Variants in FBXL2 observed in about 807,000 individuals in gnomAD.
FBXL2 encodes F-box/LRR-repeat protein 2.
A neutral mutation model predicts 69.2 loss-of-function variants in FBXL2; 38 were observed. That is an observed-to-expected ratio of 0.55 (90% CI 0.42 to 0.72). The LOEUF is 0.72. Ranked by LOEUF, FBXL2 falls within the 30% of genes least tolerant of loss-of-function variation. The pLI is 0.00. For synonymous variants in FBXL2, 192 were observed against 201.3 expected (o/e 0.95, Z 0.39); for missense variants, 354 against 520.3 (o/e 0.68, Z 3.11).
At chr3:33,403,973 C>T (rs946367985), downstream of FBXL2, among the ~76,000 whole-genome samples, 11 of 152,302 alleles carry the variant, frequency 7.2e-5, no homozygotes, top group African/African-American at 2.6e-4. Context: ...AGGCTGGACA[C>T]GGTGACTCAT....
downstream of FBXL2, chr3:33,389,849 A>G (rs150617913): frequency 9.4e-4 from 147 of 156,230 alleles, no homozygotes; most frequent in Admixed American, 1.5e-3. Context: ...ACATCAGCAC[A>G]ACACAACTCT....
chr3:33,335,481 C>T (rs6782584), intron 2 of FBXL2, among the ~76,000 whole-genome samples: 2 of 151,496 alleles, frequency 1.3e-5, no homozygotes, highest in African/African-American at 4.9e-5. Flanking sequence ...TAGGAAAAAC[C>T]GTGAGCCAAG....
intron 2 of FBXL2, among the ~76,000 whole-genome samples, chr3:33,337,098 G>A (rs543017217): frequency 2.7e-4 from 40 of 149,296 alleles, no homozygotes; most frequent in Non-Finnish European, 5.2e-4. Flanking sequence ...CCAGCTACTC[G>A]GGAGGCTGAG....
downstream of FBXL2, chr3:33,392,766 C>T (rs199905694): frequency 1.2e-4 from 82 of 671,594 alleles, 1 homozygote; most frequent in East Asian, 1.7e-3. Flanking sequence ...AGCAAAGATG[C>T]ACACGTGCTG....
chr3:33,391,077 CA>C (rs921239376), downstream of FBXL2: 7 of 152,188 alleles, frequency 4.6e-5, no homozygotes, highest in African/African-American at 1.7e-4. Flanking sequence ...GCTGTGAAAA[CA>C]AAAGACTGAG....
intron 1 of FBXL2, among the ~76,000 whole-genome samples, chr3:33,278,730 T>A (rs769833840): frequency 1.3e-5 from 2 of 152,218 alleles, no homozygotes; most frequent in Admixed American, 6.5e-5. Flanking sequence ...ATGTAATGCC[T>A]TTATTTTGTG....
At chr3:33,277,558 C>G (rs2033411756) in intron 1 of FBXL2, 43 bp downstream of exon 1, 5 of 1,264,928 alleles carry the variant, frequency 4.0e-6, no homozygotes, top group East Asian at 3.1e-5. Flanking sequence ...CCGCCCTACC[C>G]CTACCGGGCT....
chr3:33,410,379 C>G, the FBXL2 span, among the ~76,000 whole-genome samples: 1 of 152,002 alleles, frequency 6.6e-6, no homozygotes. Flanking sequence ...AAAGCCAGGT[C>G]TTGTATCACT....
the FBXL2 span, among the ~76,000 whole-genome samples, chr3:33,416,267 CA>C: frequency 2.6e-5 from 4 of 152,136 alleles, no homozygotes; most frequent in African/African-American, 7.2e-5. Context: ...TAGGAGGGGC[CA>C]GGGGGCAGGG....
chr3:33,281,552 A>G (rs1032987339), intron 1 of FBXL2, among the ~76,000 whole-genome samples: 3 of 152,164 alleles, frequency 2.0e-5, no homozygotes, highest in African/African-American at 7.2e-5. Flanking sequence ...TCCTTTGGGT[A>G]TATACCCAGT....
In FBXL2 at chr3:33,385,756, T is replaced by C. The variant is rs2043390467; in HGVS notation, c.*148T>C. Reference sequence around the variant, plus strand: ...AAAAGACTTCTGTATGGATTGCAGTTACTCTGGTGATAGTTTTCACCTTTA... The same window carrying C: ...AAAAGACTTCTGTATGGATTGCAGTCACTCTGGTGATAGTTTTCACCTTTA... On this transcript the variant is annotated 3_prime_UTR_variant, in exon 15 of 15. Transcript: ENST00000484457. 6.2e-6 allele frequency: 4 copies of C among 645,570 alleles called. No individual in the cohort carries two copies. Among genetic ancestry groups the C allele is most frequent in the East Asian group, 5.4e-5 (2 of 36,978 alleles). 40.0% of individuals were successfully genotyped at this position (645,570 alleles called of 1,614,324 possible).
chr3:33,282,353 T>A (rs2034111162), intron 1 of FBXL2, among the ~76,000 whole-genome samples: 2 of 152,182 alleles, frequency 1.3e-5, no homozygotes. Context: ...GATCAGATGT[T>A]TGTAGATGTG....
chr3:33,353,916 G>T (rs979300563), intron 2 of FBXL2, among the ~76,000 whole-genome samples: 1 of 151,984 alleles, frequency 6.6e-6, no homozygotes, highest in Non-Finnish European at 1.5e-5. Flanking sequence ...GTGGCCAAGG[G>T]TTCATGAGAA....
intron 2 of FBXL2, among the ~76,000 whole-genome samples, chr3:33,357,926 C>T (rs566774916): frequency 1.3e-5 from 2 of 152,150 alleles, no homozygotes; most frequent in African/African-American, 2.4e-5. Context: ...TGTAGGATGG[C>T]ATCTATGCAG....
At chr3:33,309,647 T>G (rs751857147) in intron 2 of FBXL2, among the ~76,000 whole-genome samples, 1 of 152,204 alleles carries the variant, frequency 6.6e-6, no homozygotes, top group Non-Finnish European at 1.5e-5. Context: ...ACTGCCCCTT[T>G]GTTAATTATT....
At chr3:33,316,260 G>C (rs560324452) in intron 2 of FBXL2, among the ~76,000 whole-genome samples, 1 of 152,084 alleles carries the variant, frequency 6.6e-6, no homozygotes, top group East Asian at 1.9e-4. Context: ...GTTTCACCTT[G>C]TTGGCCAGGC....
At chr3:33,403,067 CAAAGA>C (rs1423852362) in intron 12 of FBXL2, among the ~76,000 whole-genome samples, 1 of 152,136 alleles carries the variant, frequency 6.6e-6, no homozygotes, top group Admixed American at 6.5e-5. Context: ...TTCTGTGTGG[CAAAGA>C]AAAGTTTTAC....
chr3:33,338,459 G>A (rs1276791614), intron 2 of FBXL2, among the ~76,000 whole-genome samples: 1 of 151,900 alleles, frequency 6.6e-6, no homozygotes, highest in Non-Finnish European at 1.5e-5. Flanking sequence ...AAAAAAGTCT[G>A]AGTAGCCAAA....
At chr3:33,416,517 G>GT in the FBXL2 span, among the ~76,000 whole-genome samples, 2 of 152,132 alleles carry the variant, frequency 1.3e-5, no homozygotes, top group Non-Finnish European at 2.9e-5. Flanking sequence ...GTGGTGATGA[G>GT]TTTTTTACCC....
Sources: allele counts gnomAD v4.1 joint callset (sites outside exome capture counted in the v4.1 genomes callset), GRCh38; gene constraint gnomAD v4.1.1; transcripts MANE v1.5; gene names NCBI Gene and HGNC (gene_info 2026-07-23, HGNC 2026-07-21).